Variants in DISC1 observed in about 807,000 individuals in gnomAD.
DISC1 encodes DISC1 scaffold protein.
Under a neutral mutation model 84.5 loss-of-function variants are expected in DISC1, and 57 were observed. The ratio of observed to expected loss-of-function variants is 0.67; its 90% CI spans 0.55 to 0.84. The LOEUF is 0.84. Among genes scored for constraint, DISC1 ranks in the 40% least tolerant of loss-of-function variants. The probability of loss-of-function intolerance (pLI) is 0.00; values close to 1 mark genes in which losing one functional copy is unlikely to be tolerated. For missense variants in DISC1, 1,000 were observed against 1,057.8 expected (o/e 0.95, Z 0.76); for synonymous variants, 411 against 415.2 (o/e 0.99, Z 0.12).
At chr1:231,711,195 G>C (rs79833682) in intron 3 of DISC1, among the ~76,000 whole-genome samples, 3,632 of 151,936 alleles carry the variant, frequency 0.024, 95 homozygotes, top group East Asian at 0.094. Context: ...GATTTACCAT[G>C]CCATGGTGGA....
chr1:231,970,833 A>G (rs200715233), intron 10 of DISC1, among the ~76,000 whole-genome samples: 7 of 152,182 alleles, frequency 4.6e-5, no homozygotes, highest in Non-Finnish European at 8.8e-5. Flanking sequence ...AATATTTAAG[A>G]AGGTCTGAGA....
intron 11 of DISC1, among the ~76,000 whole-genome samples, chr1:232,011,847 T>C (rs1286594249): frequency 6.6e-6 from 1 of 152,212 alleles, no homozygotes; most frequent in African/African-American, 2.4e-5. Context: ...AGTGCTTTTG[T>C]CTCAGGGCTA....
At chr1:231,770,666 G>T (rs1344074909) in intron 5 of DISC1, among the ~76,000 whole-genome samples, 169 bp from the exon 6 acceptor site, 1 of 152,276 alleles carries the variant, frequency 6.6e-6, no homozygotes, top group East Asian at 1.9e-4. Context: ...TATAAAGCTG[G>T]CATGATTTTT....
intron 1 of DISC1, among the ~76,000 whole-genome samples, chr1:231,682,254 T>G (rs1038181023): frequency 3.9e-5 from 6 of 152,200 alleles, no homozygotes; most frequent in Admixed American, 6.5e-5. Flanking sequence ...CTTCCCTGGT[T>G]GATGAAACTT....
At chr1:231,676,250 T>TAAA (rs2063143665) in intron 1 of DISC1, among the ~76,000 whole-genome samples, 1 of 152,258 alleles carries the variant, frequency 6.6e-6, no homozygotes, top group Non-Finnish European at 1.5e-5. Context: ...TGGAACATTT[T>TAAA]TAGGTCCCGA....
At chr1:231,913,529 T>A (rs1315828076) in intron 9 of DISC1, among the ~76,000 whole-genome samples, 1 of 152,210 alleles carries the variant, frequency 6.6e-6, no homozygotes, top group Non-Finnish European at 1.5e-5. Context: ...GGCTGCACCA[T>A]TTAAGCAGGC....
intron 10 of DISC1, among the ~76,000 whole-genome samples, chr1:231,978,426 AT>A (rs991730178): frequency 2.6e-5 from 4 of 152,220 alleles, no homozygotes; most frequent in African/African-American, 9.6e-5. Context: ...ATATAAAAAA[AT>A]AAACTTTCCT....
intron 10 of DISC1, among the ~76,000 whole-genome samples, chr1:231,992,478 A>G (rs1665349672): frequency 6.6e-6 from 1 of 152,180 alleles, no homozygotes; most frequent in Non-Finnish European, 1.5e-5. Context: ...ACTTTCATTT[A>G]TGGCACGTTT....
intron 3 of DISC1, among the ~76,000 whole-genome samples, chr1:231,714,329 T>A (rs1202888495): frequency 6.6e-6 from 1 of 152,154 alleles, no homozygotes; most frequent in Non-Finnish European, 1.5e-5. Context: ...AGGGGTGCCA[T>A]GTCCATTCAA....
chr1:231,683,560 A>T (rs1257906557), intron 1 of DISC1, among the ~76,000 whole-genome samples: 1 of 148,432 alleles, frequency 6.7e-6, no homozygotes, highest in South Asian at 2.2e-4. Context: ...GATGCATGTA[A>T]TTTGCCTGTA....
At chr1:231,715,822 G>A (rs185669145) in intron 3 of DISC1, among the ~76,000 whole-genome samples, 7 of 152,258 alleles carry the variant, frequency 4.6e-5, no homozygotes, top group Middle Eastern at 6.8e-3. Flanking sequence ...TGTTAGTTGA[G>A]GTATAGTTTC....
chr1:231,857,753 C>A (rs1453530978), intron 9 of DISC1, among the ~76,000 whole-genome samples: 1 of 152,246 alleles, frequency 6.6e-6, no homozygotes, highest in Non-Finnish European at 1.5e-5. Context: ...TGACTTCTCA[C>A]TGTCAGAACT....
intron 1 of DISC1, chr1:231,629,622 G>A (rs117769876): frequency 1.3e-5 from 2 of 152,716 alleles, no homozygotes; most frequent in East Asian, 3.9e-4. Flanking sequence ...TAGACAAATA[G>A]CTTGGTGTCT....
rs1378060803 is a variant in DISC1, at chr1:232,040,562, GAAGT to G, written c.*3734_*3737del. The G allele has an allele frequency of 6.6e-6, 1 of 152,174 alleles. No individual in the cohort carries two copies. The highest frequency in any genetic ancestry group is 1.5e-5 in the Non-Finnish European group (1 of 68,040). The allele number at this position is 152,174 out of a possible 1,614,324, so 9.4% of individuals were successfully genotyped here. ...CTAAGGCACAGAGCTGGTAAAATGT[GAAGT>G]AATAGTGAACCTAACAGTCAGAGAC... On this transcript the variant is annotated 3_prime_UTR_variant, in exon 13 of 13. Coordinates refer to ENST00000439617, the MANE Select transcript of DISC1 (RefSeq NM_018662.3).
intron 11 of DISC1, among the ~76,000 whole-genome samples, chr1:232,012,329 G>A (rs1668087875): frequency 6.6e-6 from 1 of 152,172 alleles, no homozygotes; most frequent in South Asian, 2.1e-4. Flanking sequence ...TCAGAGAAAG[G>A]TTTAACGAAG....
intron 9 of DISC1, among the ~76,000 whole-genome samples, chr1:231,853,742 A>G (rs2084063725): frequency 6.6e-6 from 1 of 152,216 alleles, no homozygotes; most frequent in Non-Finnish European, 1.5e-5. Flanking sequence ...AGTAGGCTCA[A>G]CTAGGCTGAA....
chr1:231,656,017 T>G (rs2061033927), intron 1 of DISC1, among the ~76,000 whole-genome samples: 1 of 152,226 alleles, frequency 6.6e-6, no homozygotes. Context: ...ATGCATAGTT[T>G]GCAAATATTT....
intron 1 of DISC1, among the ~76,000 whole-genome samples, chr1:231,678,691 G>A (rs774751230): frequency 1.2e-4 from 19 of 152,018 alleles, no homozygotes; most frequent in South Asian, 8.3e-4. Flanking sequence ...TCCTTGAGAC[G>A]GAGTCTCACT....
chr1:231,726,062 C>T (rs1231960002), intron 3 of DISC1, among the ~76,000 whole-genome samples: 1 of 152,118 alleles, frequency 6.6e-6, no homozygotes, highest in East Asian at 1.9e-4. Context: ...GGTTGGTCTA[C>T]AGAGGTCCAG....
Sources: allele counts gnomAD v4.1 joint callset (sites outside exome capture counted in the v4.1 genomes callset), GRCh38; gene constraint gnomAD v4.1.1; transcripts MANE v1.5; gene names NCBI Gene and HGNC (gene_info 2026-07-23, HGNC 2026-07-21).